Variants in CATSPERE observed in about 807,000 individuals in gnomAD.
CATSPERE encodes cation channel sperm-associated auxiliary subunit epsilon.
In CATSPERE, 93 loss-of-function variants were observed where a neutral mutation model predicts 114.1. The observed-to-expected ratio is 0.81, with a 90% confidence interval of 0.69 to 0.97. The LOEUF (loss-of-function observed/expected upper bound fraction) is 0.97. CATSPERE is among the 50% of genes least tolerant of loss of function. The pLI, the probability that CATSPERE is intolerant of heterozygous loss-of-function variation, is 0.00. For synonymous variants in CATSPERE, 341 were observed against 384.1 expected (o/e 0.89, Z 1.31); for missense variants, 1,058 against 1,131.6 (o/e 0.93, Z 0.93).
chr1:244,567,045 T>C (rs1663681270), intron 10 of CATSPERE, among the ~76,000 whole-genome samples: 1 of 152,186 alleles, frequency 6.6e-6, no homozygotes, highest in Non-Finnish European at 1.5e-5. Flanking sequence ...GGCCTGGTGG[T>C]GACAAAATCT....
intron 7 of CATSPERE, among the ~76,000 whole-genome samples, chr1:244,508,641 C>A (rs2148318769): frequency 6.6e-6 from 1 of 150,944 alleles, no homozygotes; most frequent in East Asian, 2.0e-4. Flanking sequence ...TTGTATTGTG[C>A]AACTACTGAA....
At position 244,516,709 on chromosome 1, in the gene CATSPERE, A is replaced by AC. The variant is rs1676698982; in HGVS notation, c.430-1882dup. Among the ~76,000 whole-genome samples, 4 of 152,032 alleles carry AC rather than the reference A, an allele frequency of 2.6e-5. No homozygotes were observed. The South Asian group carries it at 8.3e-4, about 31-fold the overall frequency. ...GCTATTTTTTGTATTTTTAGTAGAG[A>AC]CAGAGTTTCACCATGTTGGCGAGGC... On this transcript the variant is annotated intron_variant, in intron 7 of 21. Transcript: ENST00000366534.
At position 244,552,435 on chromosome 1, in the gene CATSPERE, T is replaced by C. The variant is rs978743285; in HGVS notation, c.650T>C (p.Phe217Ser). The C allele has an allele frequency of 6.2e-7, 1 of 1,614,064 alleles. No individual in the cohort carries two copies. Among genetic ancestry groups the C allele is most frequent in the African/African-American group, 1.3e-5 (1 of 74,936 alleles). The change falls in exon 9 of 22, where the codon TTT becomes TCT. Residue 217 changes from phenylalanine (F) to serine (S), a missense_variant. Transcript: ENST00000366534. ...FIADFLILLT[F>S]PLLTIPEIPG... ...GCAGATTTTCTTATTCTGTTGACTT[T>C]TCCTTTGTTGACCATACCTGAAATT...
rs1194645851 is a variant in CATSPERE, at chr1:244,635,481, C to T, written c.2649-8C>T. ...TGTAATCTTTCATATTATTTTTCTG[C>T]TTTGCAGTTTCTGTAACCTAACAGC... On this transcript the variant is annotated splice_region_variant and splice_polypyrimidine_tract_variant and intron_variant, in intron 20 of 21. Transcript: ENST00000366534. 1.9e-6 allele frequency: 3 copies of T among 1,604,446 alleles called. No homozygotes were observed. The highest frequency in any genetic ancestry group is 2.6e-6 in the Non-Finnish European group (3 of 1,171,736).
In CATSPERE at chr1:244,568,802, C is replaced by A. The variant is rs996989047; in HGVS notation, c.1508-3528C>A. On this transcript the variant is annotated intron_variant, in intron 10 of 21. Transcript: ENST00000366534. This position sits in a 1 kb window ranked among gnomAD's most constrained non-coding sequence, Gnocchi z 4.4. ...CTCCATAGGGGTGGGATCCACTGAG[C>A]TAGACCACTTGGCTCCCTGGCTTCA... is the stretch of plus-strand genomic sequence containing the variant. 7.2e-5 allele frequency among the ~76,000 whole-genome samples: 11 copies of A among 152,210 alleles called. No homozygotes were observed. The highest frequency in any genetic ancestry group is 2.7e-4 in the African/African-American group (11 of 41,462).
At chr1:244,497,115 TA>T (rs1673221169) in intron 6 of CATSPERE, among the ~76,000 whole-genome samples, 1 of 152,142 alleles carries the variant, frequency 6.6e-6, no homozygotes, top group Admixed American at 6.5e-5. Flanking sequence ...GTAAATACAA[TA>T]AATCCAGTAA....
At chr1:244,454,235 C>T (rs1665911757), upstream of CATSPERE, 1 of 152,186 alleles carries the variant, frequency 6.6e-6, no homozygotes, top group Admixed American at 6.5e-5. Flanking sequence ...CCAGAGACCC[C>T]ATTGTGAATT....
Position 244,625,432 on chromosome 1 carries a change from A to ATTTTTTT in CATSPERE, c.2648+7755_2648+7761dup, listed in dbSNP as rs61325021. Among the ~76,000 whole-genome samples the ATTTTTTT allele has an allele frequency of 1.0e-3, 4 of 3,986 alleles. 1 individual carries two copies. The highest frequency in any genetic ancestry group is 1.9e-3 in the Non-Finnish European group (4 of 2,114). 2.6% of individuals were successfully genotyped at this position (3,986 alleles called of 152,430 possible). A position where few individuals can be genotyped will look rare whatever the true frequency, so the allele number is the denominator to read the frequency against. On this transcript the variant is annotated intron_variant, in intron 20 of 21. Transcript: ENST00000366534. ...TATATATATATATATATATATATAT[A>ATTTTTTT]TTTTTTTTTTTTTTTGAGATGGAGT...
At chr1:244,604,929 CA>C (rs781214402) in intron 17 of CATSPERE, among the ~76,000 whole-genome samples, 9 of 152,332 alleles carry the variant, frequency 5.9e-5, no homozygotes, top group Admixed American at 1.3e-4. Flanking sequence ...AGCATCAAGG[CA>C]GGGGTAGCCG....
At chr1:244,468,812 G>A (rs1014525627) in intron 2 of CATSPERE, among the ~76,000 whole-genome samples, 8 of 152,110 alleles carry the variant, frequency 5.3e-5, no homozygotes, top group African/African-American at 1.9e-4. Context: ...CAGCTACTTG[G>A]GCGGCTGAGG....
chr1:244,536,844 C>T (rs1680462960), intron 8 of CATSPERE, among the ~76,000 whole-genome samples: 1 of 152,142 alleles, frequency 6.6e-6, no homozygotes, highest in East Asian at 1.9e-4. Flanking sequence ...TCCTGTTCTG[C>T]CTCCATCCTC....
chr1:244,617,607 A>C lies in CATSPERE; in HGVS notation c.2569A>C (p.Asn857His), dbSNP rs1363758321. ...ACCATACGAGATTATCAACAGTTCTAATGGTAACCATATATTTTGGCCCAT... is the reference window on the plus strand; with the variant it reads ...ACCATACGAGATTATCAACAGTTCTCATGGTAACCATATATTTTGGCCCAT... ...NQPYEIINSSNGNHIFWPMGH... is the reference protein window; with the variant it reads ...NQPYEIINSSHGNHIFWPMGH... Residue 857 changes from asparagine (N) to histidine (H), a missense_variant, in exon 20 of 22, where the codon AAT (asparagine) becomes CAT (histidine). By Grantham distance (68) the Asn-to-His change is moderately conservative. Coordinates refer to ENST00000366534, the MANE Select transcript of CATSPERE (RefSeq NM_001130957.2). 7.1e-6 allele frequency: 11 copies of C among 1,543,984 alleles called. No individual in the cohort carries two copies. The highest frequency in any genetic ancestry group is 4.9e-5 in the East Asian group (2 of 40,578).
chr1:244,467,660 A>G (rs1439166387), intron 2 of CATSPERE, among the ~76,000 whole-genome samples: 1 of 152,266 alleles, frequency 6.6e-6, no homozygotes, highest in African/African-American at 2.4e-5. Context: ...TTACGACAGC[A>G]TTATTCCTAA....
At chr1:244,590,495 C>T (rs148172748) in intron 14 of CATSPERE, among the ~76,000 whole-genome samples, 1 of 152,246 alleles carries the variant, frequency 6.6e-6, no homozygotes, top group East Asian at 1.9e-4. Context: ...GAATTAAGTA[C>T]CTTCACGATG....
chr1:244,584,021 C>A, intron 13 of CATSPERE, 82 bp downstream of exon 13: 1 of 1,024,366 alleles, frequency 9.8e-7, no homozygotes, highest in East Asian at 2.5e-5. Context: ...ACAATACCTC[C>A]GTACAATACC....
chr1:244,621,227 A>AG lies in CATSPERE; in HGVS notation c.2648+3541_2648+3542insG, dbSNP rs1173207332. On this transcript the variant is annotated intron_variant, in intron 20 of 21. Coordinates refer to ENST00000366534, the MANE Select transcript of CATSPERE (RefSeq NM_001130957.2). ...GATATATTTATATATATATTTATAT[A>AG]AATATATTTATATAGATATATTTAT... is the stretch of plus-strand genomic sequence containing the variant. 5.9e-3 allele frequency among the ~76,000 whole-genome samples: 584 copies of AG among 99,374 alleles called. 127 individuals carry two copies. The highest frequency in any genetic ancestry group is 7.2e-3 in the Non-Finnish European group (380 of 52,442). The allele number at this position is 99,374 out of a possible 152,430, so 65.2% of individuals were successfully genotyped here. A position where few individuals can be genotyped will look rare whatever the true frequency, so the allele number is the denominator to read the frequency against.
At chr1:244,617,438 C>G (rs551767639) in intron 19 of CATSPERE, 91 bp from the exon 20 acceptor site, 10 of 1,033,190 alleles carry the variant, frequency 9.7e-6, no homozygotes, top group Non-Finnish European at 1.3e-5. Context: ...CATTACATCT[C>G]TAAATAATTT....
At chr1:244,506,628 T>TTA (rs2148308806) in intron 7 of CATSPERE, among the ~76,000 whole-genome samples, 1 of 152,316 alleles carries the variant, frequency 6.6e-6, no homozygotes, top group South Asian at 2.1e-4. Context: ...GATAATCTTG[T>TTA]TAATAATCTT....
chr1:244,492,003 T>G (rs1252528318), intron 6 of CATSPERE, among the ~76,000 whole-genome samples: 1 of 152,182 alleles, frequency 6.6e-6, no homozygotes, highest in African/African-American at 2.4e-5. Flanking sequence ...ACAGCCCAAT[T>G]CTACCTGAGG....
Sources: allele counts gnomAD v4.1 joint callset (sites outside exome capture counted in the v4.1 genomes callset), GRCh38; gene constraint gnomAD v4.1.1; non-coding constraint Gnocchi (gnomAD v3.1); transcripts MANE v1.5; gene names NCBI Gene and HGNC (gene_info 2026-07-23, HGNC 2026-07-21).